ITPRID2: variants seen among roughly 807,000 people sequenced by gnomAD.
ITPRID2 encodes protein ITPRID2.
Under a neutral mutation model 124.3 loss-of-function variants are expected in ITPRID2, and 60 were observed. That is an observed-to-expected ratio of 0.48 (90% CI 0.39 to 0.60). ITPRID2 has a LOEUF of 0.60. ITPRID2 is among the 20% of genes least tolerant of loss of function. The pLI is 0.00. For synonymous variants in ITPRID2, 521 were observed against 542.9 expected (o/e 0.96, Z 0.56); for missense variants, 1,553 against 1,512.2 (o/e 1.03, Z -0.45).
rs565447171 is a variant in ITPRID2 at position 181,901,024 on chromosome 2, C to T, written c.712+120C>T. On this transcript the variant is annotated intron_variant, in intron 7 of 17. Coordinates refer to ENST00000431877, the MANE Select transcript of ITPRID2 (RefSeq NM_001130445.3). ...ACTGGAAAGTAAAGAGATTGATTAA[C>T]GCAAAAGCCATTTTTACATGTTAAA... 632 of 745,642 alleles carry T rather than the reference C, an allele frequency of 8.5e-4. 13 individuals carry two copies. In the South Asian group the frequency reaches 0.014, roughly 16 times the overall value. The allele number at this position is 745,642 out of a possible 1,614,324, so 46.2% of individuals were successfully genotyped here. A position where few individuals can be genotyped will look rare whatever the true frequency, so the allele number is the denominator to read the frequency against.
rs1270630597 is a variant in ITPRID2, at chr2:181,918,686, T to C, written c.2865+11T>C. 32 of 1,613,880 alleles carry C rather than the reference T, an allele frequency of 2.0e-5. No homozygotes were observed. Among genetic ancestry groups the C allele is most frequent in the Non-Finnish European group, 2.7e-5 (32 of 1,179,830 alleles). On this transcript the variant is annotated intron_variant, in intron 12 of 17. Transcript: ENST00000431877. ...CTACCTCTTTATGAAGTAAGTTCTT[T>C]CTTACATCTTTGTGTTCCAAAATAA... is the stretch of plus-strand genomic sequence containing the variant.
intron 6 of ITPRID2, among the ~76,000 whole-genome samples, chr2:181,899,675 CTT>C (rs1475043235): frequency 6.6e-6 from 1 of 152,092 alleles, no homozygotes; most frequent in Non-Finnish European, 1.5e-5. Context: ...GAAACCCTGT[CTT>C]TACAAAAAAT....
At position 181,918,954 on chromosome 2, in the gene ITPRID2, A is replaced by T. The variant is rs1232205166; in HGVS notation, c.2993+72A>T. On this transcript the variant is annotated intron_variant, in intron 13 of 17. Coordinates refer to ENST00000431877, the MANE Select transcript of ITPRID2 (RefSeq NM_001130445.3). ...AAAGTCTTCTCAACTTATATTTTTT[A>T]AAATTAGGTTTTGATTCTACTGCTG... 4.5e-6 allele frequency: 7 copies of T among 1,566,616 alleles called. No homozygotes were observed. The South Asian group carries it at 4.7e-5, about 11-fold the overall frequency.
Position 181,902,109 on chromosome 2 carries a change from ATCT to A in ITPRID2, c.1060_1062del (p.Ser354del), listed in dbSNP as rs768719111. The A allele has an allele frequency of 4.9e-4, 796 of 1,612,420 alleles. No homozygotes were observed. Among genetic ancestry groups the A allele is most frequent in the Non-Finnish European group, 5.4e-4 (641 of 1,179,362 alleles). ...AAAAAATTATGAAGAAGAAAGAGTCATCTTCTATGTTGGCTACAGTTAAAGAAG... is the reference window on the plus strand; with the variant it reads ...AAAAAATTATGAAGAAGAAAGAGTCATCTATGTTGGCTACAGTTAAAGAAG... On this transcript the variant is annotated inframe_deletion, in exon 8 of 18. Coordinates refer to ENST00000431877, the MANE Select transcript of ITPRID2 (RefSeq NM_001130445.3). The surrounding 1 kb of genome is among the most constrained non-coding windows in gnomAD (Gnocchi z 4.4).
chr2:181,919,037 T>A lies in ITPRID2; in HGVS notation c.2993+155T>A, dbSNP rs1336243302. 6.6e-6 allele frequency among the ~76,000 whole-genome samples: 1 copy of A among 152,098 alleles called. No individual in the cohort carries two copies. Among genetic ancestry groups the A allele is most frequent in the African/African-American group, 2.4e-5 (1 of 41,396 alleles). ...GATAAGATTAGTCATAGATAGTGTT[T>A]TACTAAGTAAACTTGTATGCCTTCA... On this transcript the variant is annotated intron_variant, in intron 13 of 17. Transcript: ENST00000431877. This position sits in a 1 kb window ranked among gnomAD's most constrained non-coding sequence, Gnocchi z 4.2.
At chr2:181,913,418 C>T (rs949393543) in intron 9 of ITPRID2, among the ~76,000 whole-genome samples, 1 of 152,148 alleles carries the variant, frequency 6.6e-6, no homozygotes, top group Non-Finnish European at 1.5e-5. Context: ...ACACACTATG[C>T]TCTCTATATG....
rs749282092 is a variant in ITPRID2, at chr2:181,902,058, T to C, written c.1005T>C (p.Ser335=). ...TAAATGTTTCAGTGATTGAAGAAAG[T>C]GGCAATAAAAACGATCAAAAGTCTC... ...KILNVSVIEE[S]GNKNDQKSQK... The change falls in exon 8 of 18, where the codon AGT becomes AGC. Residue 335 remains serine, a synonymous_variant. Transcript: ENST00000431877. The surrounding 1 kb of genome is among the most constrained non-coding windows in gnomAD (Gnocchi z 4.4). 4 of 1,612,036 alleles carry C rather than the reference T, an allele frequency of 2.5e-6. No individual in the cohort carries two copies. The African/African-American group carries it at 5.4e-5, about 22-fold the overall frequency.
chr2:181,925,995 G>A (rs746828595), intron 16 of ITPRID2, among the ~76,000 whole-genome samples: 29 of 152,050 alleles, frequency 1.9e-4, no homozygotes, highest in South Asian at 8.3e-4. Flanking sequence ...TGAAACCGAC[G>A]AGGTGTGGTG....
At chr2:181,925,965 A>G (rs755261874) in intron 16 of ITPRID2, among the ~76,000 whole-genome samples, 94 of 152,158 alleles carry the variant, frequency 6.2e-4, no homozygotes, top group Non-Finnish European at 2.2e-4. Context: ...TCAATAAATT[A>G]TTTTTCCTTT....
At chr2:181,925,355 G>A (rs762603041) in intron 16 of ITPRID2, among the ~76,000 whole-genome samples, 5 of 152,072 alleles carry the variant, frequency 3.3e-5, no homozygotes, top group South Asian at 4.1e-4. Flanking sequence ...TGGAAATTAT[G>A]CTCATAAAGG....
chr2:181,894,958 TA>T (rs1244940069), intron 2 of ITPRID2, among the ~76,000 whole-genome samples: 2 of 152,130 alleles, frequency 1.3e-5, no homozygotes, highest in Non-Finnish European at 2.9e-5. Context: ...GATGACTTTT[TA>T]AAGACATACA....
intron 11 of ITPRID2, chr2:181,916,631 G>A (rs370434075): frequency 2.9e-5 from 23 of 791,218 alleles, no homozygotes; most frequent in African/African-American, 2.6e-4. Flanking sequence ...GATCAAAGTC[G>A]ATTTCTCTGC....
Position 181,915,201 on chromosome 2 carries a change from ATTTTC to A in ITPRID2, c.1576-9_1576-5del, listed in dbSNP as rs773870332. On this transcript the variant is annotated splice_polypyrimidine_tract_variant and intron_variant, in intron 10 of 17. Transcript: ENST00000431877. Reference sequence around the variant, plus strand: ...ACATATATTCTTCATCTTTCCACCTATTTTCTTTTCACAGGTTCAGGAGTCCTTGC... The same window carrying A: ...ACATATATTCTTCATCTTTCCACCTATTTTCACAGGTTCAGGAGTCCTTGC... 1 of 1,604,288 alleles carries A rather than the reference ATTTTC, an allele frequency of 6.2e-7. No homozygotes were observed. Among genetic ancestry groups the A allele is most frequent in the South Asian group, 1.1e-5 (1 of 90,098 alleles).
intron 4 of ITPRID2, 107 bp from the exon 5 acceptor site, chr2:181,898,773 G>T: frequency 1.2e-6 from 1 of 814,248 alleles, no homozygotes; most frequent in Non-Finnish European, 2.1e-6. Context: ...TAATATATTT[G>T]GCATTTAATT....
In ITPRID2 at chr2:181,891,859, A is replaced by T. The variant is rs946908299; in HGVS notation, c.-208A>T. On this transcript the variant is annotated 5_prime_UTR_variant, in exon 1 of 18. The change abolishes an upstream ATG in the 5' untranslated region. Coordinates refer to ENST00000431877, the MANE Select transcript of ITPRID2 (RefSeq NM_001130445.3). ...CTCCCGCGCGCGCCCGGCCGCCTTC[A>T]TGTGAAGCGCCGGCCCTCCGCCCCT... is the stretch of plus-strand genomic sequence containing the variant. The T allele has an allele frequency of 4.8e-5, 16 of 334,634 alleles. No individual in the cohort carries two copies. The highest frequency in any genetic ancestry group is 4.5e-4 in the East Asian group (5 of 11,162). 20.7% of individuals were successfully genotyped at this position (334,634 alleles called of 1,614,324 possible).
chr2:181,893,619 C>G (rs1156333443), intron 2 of ITPRID2: 1 of 152,062 alleles, frequency 6.6e-6, no homozygotes, highest in Non-Finnish European at 1.5e-5. Context: ...AGAACTCGTA[C>G]CCTTTATTGG....
intron 11 of ITPRID2, 63 bp downstream of exon 11, chr2:181,916,490 C>T: frequency 6.5e-7 from 1 of 1,533,666 alleles, no homozygotes; most frequent in South Asian, 1.3e-5. Flanking sequence ...CTTTTTAATT[C>T]ACAGAGAAGC....
Position 181,916,242 on chromosome 2 carries a change from C to G in ITPRID2, c.2602C>G (p.His868Asp). 6.2e-7 allele frequency: 1 copy of G among 1,614,176 alleles called. No homozygotes were observed. Among genetic ancestry groups the G allele is most frequent in the Non-Finnish European group, 8.5e-7 (1 of 1,180,024 alleles). ...TGAGCACACAAGAACTCTGAGCACT[C>G]ACAGTGTTCCCAACATATCAGGGGC... ...LCEHTRTLST[H>D]SVPNISGATC... Residue 868 changes from histidine to aspartate, a missense_variant, in exon 11 of 18, where the codon CAC (histidine) becomes GAC (aspartate). Coordinates refer to ENST00000431877, the MANE Select transcript of ITPRID2 (RefSeq NM_001130445.3).
At position 181,905,375 on chromosome 2, in the gene ITPRID2, A is replaced by G. The variant is rs569277173; in HGVS notation, c.1413+2909A>G. Among the ~76,000 whole-genome samples the G allele has an allele frequency of 1.1e-3, 170 of 152,252 alleles. 2 individuals carry two copies. In the South Asian group the frequency reaches 0.012, roughly 11 times the overall value. On this transcript the variant is annotated intron_variant, in intron 8 of 17. Transcript: ENST00000431877. This position sits in a 1 kb window ranked among gnomAD's most constrained non-coding sequence, Gnocchi z 4.1. ...ATAACTATTTATAAAAAGTTATTAA[A>G]TCCTGTTCTTGAATTTCTAATTATT... is the stretch of plus-strand genomic sequence containing the variant.
Sources: gnomAD v4.1 joint callset for allele counts (sites outside exome capture counted in the v4.1 genomes callset) on GRCh38, gnomAD v4.1.1 for gene constraint, Gnocchi (gnomAD v3.1) non-coding constraint, MANE v1.5 for transcripts, NCBI Gene and HGNC (gene_info 2026-07-23, HGNC 2026-07-21) for gene names.